The following NCKAP1 variants were observed in gnomAD, a reference collection of about 807,000 sequenced individuals.
NCKAP1 encodes nck-associated protein 1.
NCKAP1 carries 21 observed loss-of-function variants against 151.2 expected under a neutral mutation model. The observed-to-expected ratio is 0.14, with a 90% CI of 0.10 to 0.20. The LOEUF (loss-of-function observed/expected upper bound fraction) is 0.20, where lower values mean the gene tolerates loss of function less well. Among genes scored for constraint, NCKAP1 ranks in the 10% least tolerant of loss-of-function variants. NCKAP1 has a pLI of 1.00. For missense variants in NCKAP1, 933 were observed against 1,352.1 expected, an observed-to-expected ratio of 0.69 and a Z score of 4.86; for synonymous variants, 484 against 451.8, an observed-to-expected ratio of 1.07 and a Z score of -0.90.
rs764151784 is a variant in NCKAP1 at position 182,981,254 on chromosome 2, T to C, written c.1331A>G (p.Glu444Gly). ...LSGFDAVVLN[E>G]LVQNLSVCPE... The stretch of plus-strand genomic sequence containing the variant: ...TGAGATAGTTTTTACCTGCACGAGT[T>C]CATTGAGGACAACAGCATCAAAGCC... Residue 444 changes from glutamate (E) to glycine (G), a missense_variant, in exon 13 of 31, where the codon GAA becomes GGA. This residue lies in a region of NCKAP1 where 607 missense variants were observed against 795.0 expected (regional missense o/e 0.76). Transcript: ENST00000361354. 1 of 1,613,428 alleles carries C rather than the reference T, an allele frequency of 6.2e-7. No individual in the cohort carries two copies. Among genetic ancestry groups the C allele is most frequent in the South Asian group, 1.1e-5 (1 of 90,918 alleles).
At chr2:182,972,236 A>C (rs891035271) in intron 15 of NCKAP1, among the ~76,000 whole-genome samples, 9 of 151,198 alleles carry the variant, frequency 6.0e-5, no homozygotes, top group Admixed American at 1.3e-4. Context: ...AAAAAAAAAA[A>C]AAAAAAAAAC....
intron 13 of NCKAP1, among the ~76,000 whole-genome samples, chr2:182,980,785 T>C (rs190884888): frequency 9.2e-5 from 14 of 152,270 alleles, no homozygotes; most frequent in African/African-American, 2.9e-4. Flanking sequence ...CTTCTGAATC[T>C]CCATAGCTAC....
At chr2:182,977,100 C>A (rs1267024389) in intron 14 of NCKAP1, 149 bp from the exon 15 acceptor site, 2 of 443,296 alleles carry the variant, frequency 4.5e-6, no homozygotes, top group Admixed American at 4.4e-5. Flanking sequence ...GATATATGTA[C>A]ACCCATGTTC....
At chr2:183,031,791 T>C (rs530290615) in intron 1 of NCKAP1, among the ~76,000 whole-genome samples, 2 of 152,248 alleles carry the variant, frequency 1.3e-5, no homozygotes, top group African/African-American at 4.8e-5. Flanking sequence ...CTATTTAAGA[T>C]TACAAGAGTT....
At chr2:182,977,601 C>T (rs1697852384) in intron 14 of NCKAP1, among the ~76,000 whole-genome samples, 2 of 152,096 alleles carry the variant, frequency 1.3e-5, no homozygotes. Flanking sequence ...TGAAATTAGC[C>T]AGTCACAGCA....
chr2:182,982,061 TGA>T (rs1453458436), intron 12 of NCKAP1, among the ~76,000 whole-genome samples: 1 of 152,054 alleles, frequency 6.6e-6, no homozygotes, highest in Non-Finnish European at 1.5e-5. Flanking sequence ...TAACTCTTAT[TGA>T]GAGACTGAAC....
In NCKAP1 at chr2:182,923,163, T is replaced by C. The variant is rs943412937; in HGVS notation, c.*2539A>G. The C allele has an allele frequency of 6.6e-6, 1 of 152,206 alleles. No homozygotes were observed. Among genetic ancestry groups the C allele is most frequent in the Non-Finnish European group, 1.5e-5 (1 of 68,036 alleles). 9.4% of individuals were successfully genotyped at this position (152,206 alleles called of 1,614,324 possible). A position where few individuals can be genotyped will look rare whatever the true frequency, so the allele number is the denominator to read the frequency against. On this transcript the variant is annotated 3_prime_UTR_variant, in exon 31 of 31. Transcript: ENST00000361354. ...AGCAGCAGAAAGGAAGCAATTTTAC[T>C]TCTGAAAAATTATTCTAAAAAAATA...
At chr2:183,026,741 TG>T (rs1698905191) in intron 1 of NCKAP1, among the ~76,000 whole-genome samples, 1 of 152,094 alleles carries the variant, frequency 6.6e-6, no homozygotes, top group South Asian at 2.1e-4. Context: ...GTCTGTAAAA[TG>T]GGGAAATTAG....
At chr2:182,989,570 G>A (rs764274862) in intron 8 of NCKAP1, among the ~76,000 whole-genome samples, 13 of 152,102 alleles carry the variant, frequency 8.5e-5, no homozygotes, top group East Asian at 1.9e-4. Flanking sequence ...CTTGGGGCCC[G>A]GTGCTGTGGC....
chr2:182,959,650 T>C (rs1697400262), intron 18 of NCKAP1, among the ~76,000 whole-genome samples: 1 of 152,130 alleles, frequency 6.6e-6, no homozygotes. Context: ...GGGCAAAAAC[T>C]GGAAGCACTC....
At chr2:182,958,971 T>C (rs1348106012) in intron 18 of NCKAP1, among the ~76,000 whole-genome samples, 1 of 152,142 alleles carries the variant, frequency 6.6e-6, no homozygotes, top group African/African-American at 2.4e-5. Flanking sequence ...CATAATAACA[T>C]TTTGGGGTAT....
chr2:182,992,690 T>C (rs1486489639), intron 8 of NCKAP1, among the ~76,000 whole-genome samples: 1 of 152,114 alleles, frequency 6.6e-6, no homozygotes, highest in Non-Finnish European at 1.5e-5. Flanking sequence ...TAAAAAATAA[T>C]ATAATTAATA....
At chr2:182,960,197 C>T (rs1030737587) in intron 18 of NCKAP1, among the ~76,000 whole-genome samples, 17 of 152,234 alleles carry the variant, frequency 1.1e-4, no homozygotes, top group Non-Finnish European at 1.5e-4. Context: ...CATCAAGCTA[C>T]CAATGACTTT....
chr2:182,936,040 T>C (rs565349903), intron 24 of NCKAP1, among the ~76,000 whole-genome samples: 1 of 152,118 alleles, frequency 6.6e-6, no homozygotes, highest in East Asian at 1.9e-4. Context: ...GAAGATTGCT[T>C]GAGCCCAGGA....
chr2:182,984,451 T>TGTGTGTGTG (rs1188952902), intron 10 of NCKAP1, among the ~76,000 whole-genome samples: 20 of 144,298 alleles, frequency 1.4e-4, no homozygotes, highest in South Asian at 2.3e-4. Flanking sequence ...TGTGTGTGTG[T>TGTGTGTGTG]TGCCTATGCC....
chr2:182,986,171 G>A lies in NCKAP1; in HGVS notation c.1004C>T (p.Ala335Val), dbSNP rs771788516. Reference protein sequence around the residue: ...RECKEAAVSHAGSMHRERRKF... With the variant: ...RECKEAAVSHVGSMHRERRKF... ...CCACGGATAAAATAAAACTACTCAC[G>A]CATGTGACACGGCTGCCTCCTTGCA... Residue 335 changes from alanine (A) to valine (V), a missense_variant and splice_region_variant, in exon 10 of 31, where the codon GCT becomes GTT. Physicochemically the swap from Ala to Val is moderately conservative, Grantham distance 64. Coordinates refer to ENST00000361354, the MANE Select transcript of NCKAP1 (RefSeq NM_013436.5). 19 of 1,613,052 alleles carry A rather than the reference G, an allele frequency of 1.2e-5. No individual in the cohort carries two copies. In the South Asian group the frequency reaches 1.5e-4, roughly 13 times the overall value.
intron 2 of NCKAP1, among the ~76,000 whole-genome samples, chr2:183,018,961 A>G (rs74420148): frequency 0.056 from 8,531 of 152,298 alleles, 357 homozygotes; most frequent in African/African-American, 0.12. Context: ...ATAAAAAATT[A>G]TGTTTTACAT....
rs1434372935 is a variant in NCKAP1, at chr2:182,915,675, G to C, written c.*10027C>G. ...TGACATGAGATCATCAGACCAGCTT[G>C]ACTATAGGAGGCATTTCTGTAAAGG... On this transcript the variant is annotated 3_prime_UTR_variant, in exon 31 of 31. Transcript: ENST00000361354. 6.6e-6 allele frequency: 1 copy of C among 152,150 alleles called. No homozygotes were observed. Among genetic ancestry groups the C allele is most frequent in the African/African-American group, 2.4e-5 (1 of 41,428 alleles). 9.4% of individuals were successfully genotyped at this position (152,150 alleles called of 1,614,324 possible).
intron 2 of NCKAP1, among the ~76,000 whole-genome samples, chr2:183,018,121 C>G (rs1409892341): frequency 6.6e-6 from 1 of 152,010 alleles, no homozygotes; most frequent in Non-Finnish European, 1.5e-5. Context: ...GTGGCAGGCA[C>G]CTGTAATCCC....
Sources: allele counts gnomAD v4.1 joint callset (sites outside exome capture counted in the v4.1 genomes callset), GRCh38; gene constraint gnomAD v4.1.1; regional missense constraint gnomAD v4.1.1; transcripts MANE v1.5; gene names NCBI Gene and HGNC (gene_info 2026-07-23, HGNC 2026-07-21).